The following GPC5 variants were observed in gnomAD, a reference collection of about 807,000 sequenced individuals.
GPC5 encodes the protein glypican 5.
A neutral mutation model predicts 53.9 loss-of-function variants in GPC5; 47 were observed. The ratio of observed to expected loss-of-function variants is 0.87; its 90% CI spans 0.69 to 1.11. The LOEUF (loss-of-function observed/expected upper bound fraction) is 1.11, where lower values mean the gene tolerates loss of function less well. Ranked by LOEUF, GPC5 falls within the 50% of genes most tolerant of loss-of-function variation. The pLI is 0.00. For synonymous variants in GPC5, 286 were observed against 263.3 expected (o/e 1.09, Z -0.84); for missense variants, 748 against 713.1 (o/e 1.05, Z -0.56).
At chr13:91,723,539 T>C (rs1224641367) in intron 3 of GPC5, among the ~76,000 whole-genome samples, 1 of 151,898 alleles carries the variant, frequency 6.6e-6, no homozygotes, top group Non-Finnish European at 1.5e-5. Context: ...CATATATCAG[T>C]GTCTGGCTCT....
chr13:92,321,384 G>A (rs1392764575), intron 7 of GPC5, among the ~76,000 whole-genome samples: 3 of 152,182 alleles, frequency 2.0e-5, no homozygotes, highest in Non-Finnish European at 2.9e-5. Context: ...ACGAGGTCAG[G>A]AGAGCAAGAC....
At chr13:92,228,366 A>G (rs1043260516) in intron 7 of GPC5, among the ~76,000 whole-genome samples, 1 of 152,198 alleles carries the variant, frequency 6.6e-6, no homozygotes, top group Non-Finnish European at 1.5e-5. Flanking sequence ...CCACAAATGC[A>G]ATGGGAGACT....
At chr13:92,187,822 T>A (rs1275875491) in intron 7 of GPC5, among the ~76,000 whole-genome samples, 1 of 152,214 alleles carries the variant, frequency 6.6e-6, no homozygotes, top group East Asian at 1.9e-4. Flanking sequence ...ATTTCTATCA[T>A]CATTGTTCAG....
At chr13:92,425,101 ACT>A (rs973079401) in intron 7 of GPC5, among the ~76,000 whole-genome samples, 4 of 151,436 alleles carry the variant, frequency 2.6e-5, no homozygotes, top group African/African-American at 9.7e-5. Context: ...TAATTTACTG[ACT>A]CTGCCCTTCC....
At chr13:91,931,127 A>G (rs2039817824) in intron 6 of GPC5, among the ~76,000 whole-genome samples, 2 of 151,874 alleles carry the variant, frequency 1.3e-5, no homozygotes, top group South Asian at 2.1e-4. Context: ...TTTCTATCTT[A>G]TTGTTTTCCA....
intron 2 of GPC5, among the ~76,000 whole-genome samples, chr13:91,494,128 G>T (rs13378164): frequency 0.089 from 13,496 of 151,478 alleles, 711 homozygotes; most frequent in African/African-American, 0.15. Context: ...TTGACCTCGT[G>T]ATCCACCCGC....
At chr13:92,719,168 C>A (rs1888428235) in intron 7 of GPC5, among the ~76,000 whole-genome samples, 1 of 130,122 alleles carries the variant, frequency 7.7e-6, no homozygotes, top group African/African-American at 3.3e-5. Context: ...ATTCCTATAG[C>A]CCCCCCCCAC....
At chr13:91,608,766 A>T (rs1306721198) in intron 2 of GPC5, among the ~76,000 whole-genome samples, 1 of 152,036 alleles carries the variant, frequency 6.6e-6, no homozygotes, top group Non-Finnish European at 1.5e-5. Context: ...GCTCATTTAA[A>T]TTATATTTAG....
At position 92,385,746 on chromosome 13, in the gene GPC5, T is replaced by C. The variant is rs183002527; in HGVS notation, c.1561+240757T>C. 3.8e-3 allele frequency among the ~76,000 whole-genome samples: 525 copies of C among 139,204 alleles called. 6 individuals carry two copies. The highest frequency in any genetic ancestry group is 0.013 in the African/African-American group (488 of 38,534). 91.3% of individuals were successfully genotyped at this position (139,204 alleles called of 152,430 possible). A position where few individuals can be genotyped will look rare whatever the true frequency, so the allele number is the denominator to read the frequency against. ...ATATATACATGTATATATACGTATA[T>C]ATACACGTGTATATATATACGTATA... On this transcript the variant is annotated intron_variant, in intron 7 of 7. Transcript: ENST00000377067.
At chr13:91,820,101 T>TGGTGG (rs2038467225) in intron 5 of GPC5, among the ~76,000 whole-genome samples, 1 of 152,058 alleles carries the variant, frequency 6.6e-6, no homozygotes, top group Non-Finnish European at 1.5e-5. Context: ...ATTGTCATTG[T>TGGTGG]TGGTGGTGGT....
intron 7 of GPC5, among the ~76,000 whole-genome samples, chr13:92,521,286 C>A (rs1480851812): frequency 6.6e-6 from 1 of 152,078 alleles, no homozygotes; most frequent in African/African-American, 2.4e-5. Flanking sequence ...CTTTAAAGTT[C>A]ATATGGAAAC....
At chr13:92,087,927 T>A (rs9560918) in intron 6 of GPC5, among the ~76,000 whole-genome samples, 6 of 150,748 alleles carry the variant, frequency 4.0e-5, no homozygotes, top group Admixed American at 2.6e-4. Context: ...ATTCTCTAGC[T>A]TCCAACTACT....
At chr13:91,506,965 T>G (rs1191890384) in intron 2 of GPC5, among the ~76,000 whole-genome samples, 1 of 152,182 alleles carries the variant, frequency 6.6e-6, no homozygotes, top group South Asian at 2.1e-4. Context: ...AAAACATAAG[T>G]CCCAATGCCC....
chr13:92,776,016 G>T (rs192286353), intron 7 of GPC5, among the ~76,000 whole-genome samples: 1 of 152,164 alleles, frequency 6.6e-6, no homozygotes, highest in Non-Finnish European at 1.5e-5. Flanking sequence ...TCCTACAGGC[G>T]CTGTAAGAAT....
At chr13:92,244,574 C>G (rs532348212) in intron 7 of GPC5, among the ~76,000 whole-genome samples, 2 of 152,130 alleles carry the variant, frequency 1.3e-5, no homozygotes, top group Non-Finnish European at 2.9e-5. Flanking sequence ...TTGCATTTCA[C>G]TTTCTTGAGT....
At chr13:91,538,614 G>T (rs1366133464) in intron 2 of GPC5, among the ~76,000 whole-genome samples, 14 of 118,502 alleles carry the variant, frequency 1.2e-4, no homozygotes, top group African/African-American at 2.2e-4. Context: ...ATGGCGTCTT[G>T]CTCTGTCCCC....
intron 7 of GPC5, among the ~76,000 whole-genome samples, chr13:92,348,340 C>T (rs952485647): frequency 1.3e-5 from 2 of 151,668 alleles, no homozygotes; most frequent in Non-Finnish European, 2.9e-5. Flanking sequence ...CGCATAAGAA[C>T]ATCATATGAT....
intron 6 of GPC5, among the ~76,000 whole-genome samples, chr13:91,934,364 G>A (rs1266061067): frequency 6.6e-6 from 1 of 151,830 alleles, no homozygotes; most frequent in Non-Finnish European, 1.5e-5. Context: ...TTTTTTGGGG[G>A]TAGGCTCAGG....
At chr13:91,964,254 A>C (rs143571488) in intron 6 of GPC5, among the ~76,000 whole-genome samples, 1 of 152,300 alleles carries the variant, frequency 6.6e-6, no homozygotes, top group East Asian at 1.9e-4. Flanking sequence ...TCTTGCAAAC[A>C]GTGAAAGAAC....
Sources: allele counts gnomAD v4.1 joint callset (sites outside exome capture counted in the v4.1 genomes callset), GRCh38; gene constraint gnomAD v4.1.1; transcripts MANE v1.5; gene names NCBI Gene and HGNC (gene_info 2026-07-23, HGNC 2026-07-21).